Variants in EPS15L1 observed in about 807,000 individuals in gnomAD.
EPS15L1 encodes the protein epidermal growth factor receptor pathway substrate 15 like 1.
Under a neutral mutation model 117.1 loss-of-function variants are expected in EPS15L1, and 43 were observed. The observed-to-expected ratio is 0.37, with a 90% confidence interval of 0.29 to 0.47. EPS15L1 has a LOEUF of 0.47. Ranked by LOEUF, EPS15L1 falls within the 20% of genes least tolerant of loss-of-function variation. The probability of loss-of-function intolerance (pLI) is 0.99; values close to 1 mark genes in which losing one functional copy is unlikely to be tolerated. For synonymous variants in EPS15L1, 459 were observed against 470.5 expected (o/e 0.98, Z 0.32); for missense variants, 981 against 1,164.0 (o/e 0.84, Z 2.29).
intron 13 of EPS15L1, among the ~76,000 whole-genome samples, chr19:16,412,415 G>A (rs113971841): frequency 3.9e-5 from 6 of 151,992 alleles, no homozygotes; most frequent in African/African-American, 1.4e-4. Context: ...CAGGGGAATC[G>A]CTTGAACCCA....
At chr19:16,388,101 G>A (rs2092439424) in intron 19 of EPS15L1, among the ~76,000 whole-genome samples, 1 of 152,178 alleles carries the variant, frequency 6.6e-6, no homozygotes, top group South Asian at 2.1e-4. Flanking sequence ...GGAGCGCAGT[G>A]GTGCAATCTC....
chr19:16,441,718 G>A, intron 3 of EPS15L1, 174 bp downstream of exon 3: 1 of 507,218 alleles, frequency 2.0e-6, no homozygotes, highest in Non-Finnish European at 3.5e-6. Context: ...AGTGGTGGGG[G>A]CTGCCACCTG....
At chr19:16,454,275 G>A (rs889691473) in intron 1 of EPS15L1, among the ~76,000 whole-genome samples, 1 of 152,152 alleles carries the variant, frequency 6.6e-6, no homozygotes, top group African/African-American at 2.4e-5. Context: ...TACAAATGGG[G>A]TCCAATCTTC....
At chr19:16,465,986 A>ATTTTTT (rs1210019369) in intron 1 of EPS15L1, among the ~76,000 whole-genome samples, 1 of 126,210 alleles carries the variant, frequency 7.9e-6, no homozygotes, top group African/African-American at 3.0e-5. Context: ...CACTTTATCT[A>ATTTTTT]TTTTTTTTTT....
intron 7 of EPS15L1, 113 bp downstream of exon 7, chr19:16,434,252 A>G: frequency 7.2e-7 from 1 of 1,382,578 alleles, no homozygotes; most frequent in Middle Eastern, 2.7e-4. Flanking sequence ...CCCTGATGGC[A>G]CAGGGAGAAA....
At chr19:16,417,906 A>G in intron 11 of EPS15L1, 42 bp downstream of exon 11, 1 of 1,582,944 alleles carries the variant, frequency 6.3e-7, no homozygotes, top group Non-Finnish European at 8.6e-7. Flanking sequence ...AGGCGGTGGG[A>G]AGGGATGTCA....
At chr19:16,410,519 C>T (rs980785680) in intron 13 of EPS15L1, among the ~76,000 whole-genome samples, 5 of 152,194 alleles carry the variant, frequency 3.3e-5, no homozygotes, top group Admixed American at 6.5e-5. Flanking sequence ...GAGATAAAGG[C>T]AAACAGGTGT....
chr19:16,355,472 G>A lies in EPS15L1; in HGVS notation c.*233C>T, dbSNP rs1465280415. 1 of 504,550 alleles carries A rather than the reference G, an allele frequency of 2.0e-6. No individual in the cohort carries two copies. Among genetic ancestry groups the A allele is most frequent in the African/African-American group, 1.9e-5 (1 of 52,388 alleles). 31.3% of individuals were successfully genotyped at this position (504,550 alleles called of 1,614,324 possible). A position where few individuals can be genotyped will look rare whatever the true frequency, so the allele number is the denominator to read the frequency against. On this transcript the variant is annotated 3_prime_UTR_variant, in exon 24 of 24. Coordinates refer to ENST00000455140, the MANE Select transcript of EPS15L1 (RefSeq NM_001258374.3). ...GGAGGCAGTCAGCCCCGGGGGGGAT[G>A]GCACAGTGGAGAGACGGACCTGCAG... is the stretch of plus-strand genomic sequence containing the variant.
intron 7 of EPS15L1, among the ~76,000 whole-genome samples, chr19:16,432,754 G>C (rs1392745963): frequency 6.6e-6 from 1 of 152,066 alleles, no homozygotes; most frequent in Non-Finnish European, 1.5e-5. Context: ...CTGGGTGACA[G>C]AGCGAGACTC....
chr19:16,400,177 A>C (rs1486054321), intron 16 of EPS15L1, among the ~76,000 whole-genome samples: 1 of 152,062 alleles, frequency 6.6e-6, no homozygotes, highest in Non-Finnish European at 1.5e-5. Flanking sequence ...TCTCTACTAA[A>C]AATACAAAAA....
chr19:16,452,472 G>A (rs1283332486), intron 1 of EPS15L1, among the ~76,000 whole-genome samples: 1 of 149,210 alleles, frequency 6.7e-6, no homozygotes, highest in East Asian at 2.0e-4. Context: ...ACACAAGCCA[G>A]AGCCAGGTGT....
chr19:16,361,856 C>T lies in EPS15L1; in HGVS notation c.2509G>A (p.Gly837Arg), dbSNP rs766242583. ...SKKGFGDPFS[G>R]KDPFVPSSAA... ...GAGGAGGGGACAAATGGGTCTTTTC[C>T]ACTAAACGGGTCCCCAAACCCCTTT... Residue 837 changes from glycine (G) to arginine (R), a missense_variant, in exon 23 of 24, where the codon GGA becomes AGA. By Grantham distance (125) the Gly-to-Arg change is moderately radical. Around this residue, in one of 5 missense-constraint regions of EPS15L1, gnomAD observed 819 missense variants for 949.0 expected, o/e 0.86. Coordinates refer to ENST00000455140, the MANE Select transcript of EPS15L1 (RefSeq NM_001258374.3). 6.2e-7 allele frequency: 1 copy of T among 1,614,096 alleles called. No homozygotes were observed. The highest frequency in any genetic ancestry group is 1.1e-5 in the South Asian group (1 of 91,064).
chr19:16,410,000 G>A (rs2092692627), intron 13 of EPS15L1, among the ~76,000 whole-genome samples: 1 of 150,878 alleles, frequency 6.6e-6, no homozygotes, highest in East Asian at 1.9e-4. Flanking sequence ...CAGGTGTAGT[G>A]GCACATGCCT....
At chr19:16,451,076 G>A (rs547232933) in intron 1 of EPS15L1, among the ~76,000 whole-genome samples, 77 of 151,282 alleles carry the variant, frequency 5.1e-4, no homozygotes, top group African/African-American at 1.7e-3. Flanking sequence ...TCAGCCTCCC[G>A]AGTAGCTGGG....
intron 9 of EPS15L1, among the ~76,000 whole-genome samples, chr19:16,423,988 G>A (rs917203877): frequency 1.3e-5 from 2 of 152,230 alleles, no homozygotes; most frequent in Non-Finnish European, 2.9e-5. Flanking sequence ...GAGTATGTTA[G>A]CAGCAAGATT....
At chr19:16,458,314 T>C (rs1234212343) in intron 1 of EPS15L1, among the ~76,000 whole-genome samples, 1 of 152,136 alleles carries the variant, frequency 6.6e-6, no homozygotes, top group Non-Finnish European at 1.5e-5. Context: ...AGAAAGATGG[T>C]TGCTGCCACC....
intron 4 of EPS15L1, among the ~76,000 whole-genome samples, chr19:16,438,517 A>G (rs955925343): frequency 1.3e-5 from 2 of 152,140 alleles, no homozygotes; most frequent in Non-Finnish European, 2.9e-5. Flanking sequence ...GTTACGAATG[A>G]TGGACCAAAT....
chr19:16,471,923 A>G lies in EPS15L1; in HGVS notation c.23T>C (p.Leu8Pro). Residue 8 changes from leucine (L) to proline (P), a missense_variant, in exon 1 of 24, where the codon CTC becomes CCC. Leu to Pro is a moderately conservative substitution (Grantham distance 98). Transcript: ENST00000455140. The surrounding 1 kb of genome is among the most constrained non-coding windows in gnomAD (Gnocchi z 4.8). MAAPLIP[L>P]SQQIPTGNSL... is the part of the protein sequence containing the mutation. ...CCGCCCGGCCCGTACCTGCTGGGAG[A>G]GGGGGATGAGCGGCGCCGCCATCTT... is the stretch of plus-strand genomic sequence containing the variant. The G allele has an allele frequency of 7.7e-7, 1 of 1,295,870 alleles. No individual in the cohort carries two copies. The highest frequency in any genetic ancestry group is 3.0e-4 in the Middle Eastern group (1 of 3,378). The allele number at this position is 1,295,870 out of a possible 1,614,324, so 80.3% of individuals were successfully genotyped here. A position where few individuals can be genotyped will look rare whatever the true frequency, so the allele number is the denominator to read the frequency against.
intron 17 of EPS15L1, among the ~76,000 whole-genome samples, chr19:16,394,412 G>A (rs1217052103): frequency 6.7e-6 from 1 of 149,328 alleles, no homozygotes; most frequent in Non-Finnish European, 1.5e-5. Context: ...GCAGCAATGA[G>A]GCGGCGGCAC....
Sources: allele counts gnomAD v4.1 joint callset (sites outside exome capture counted in the v4.1 genomes callset), GRCh38; gene constraint gnomAD v4.1.1; regional missense constraint gnomAD v4.1.1; non-coding constraint Gnocchi (gnomAD v3.1); transcripts MANE v1.5; gene names NCBI Gene and HGNC (gene_info 2026-07-23, HGNC 2026-07-21).